The following CNTLN variants were observed in gnomAD, a reference collection of about 807,000 sequenced individuals.
CNTLN encodes centlein, centrosomal protein.
In CNTLN, 212 loss-of-function variants were observed where a neutral mutation model predicts 180.0. That is an observed-to-expected ratio of 1.18 (90% CI 1.05 to 1.32). The LOEUF is 1.32. Among genes scored for constraint, CNTLN ranks in the 40% most tolerant of loss-of-function variants. The pLI is 0.00. For missense variants in CNTLN, 2,095 were observed against 1,610.9 expected (o/e 1.30, Z -5.14); for synonymous variants, 722 against 563.1 (o/e 1.28, Z -3.99).
chr9:17,212,223 C>T (rs1156841701), intron 2 of CNTLN, among the ~76,000 whole-genome samples: 1 of 152,116 alleles, frequency 6.6e-6, no homozygotes, highest in East Asian at 1.9e-4. Context: ...TTTTGAGATA[C>T]GTCCCACCAA....
At chr9:17,387,496 G>A (rs189825659) in intron 13 of CNTLN, among the ~76,000 whole-genome samples, 258 of 152,022 alleles carry the variant, frequency 1.7e-3, no homozygotes, top group African/African-American at 6.0e-3. Context: ...TTTCTTTAAG[G>A]TTGTTAAGTT....
chr9:17,288,135 G>T lies in CNTLN; in HGVS notation c.984-10055G>T, dbSNP rs1405052405. 5.4e-5 allele frequency among the ~76,000 whole-genome samples: 7 copies of T among 128,758 alleles called. 1 individual carries two copies. The highest frequency in any genetic ancestry group is 3.1e-4 in the South Asian group (1 of 3,180). The allele number at this position is 128,758 out of a possible 152,430, so 84.5% of individuals were successfully genotyped here. A position where few individuals can be genotyped will look rare whatever the true frequency, so the allele number is the denominator to read the frequency against. On this transcript the variant is annotated intron_variant, in intron 6 of 25. Transcript: ENST00000380647. ...TTTTGGATCTTTCCTGCTTTCTCTT[G>T]TGGGCATTTAGTGCTATAAATTTCC...
intron 6 of CNTLN, among the ~76,000 whole-genome samples, chr9:17,291,153 C>T (rs987164630): frequency 1.3e-5 from 2 of 152,234 alleles, no homozygotes; most frequent in East Asian, 1.9e-4. Flanking sequence ...TTTGATTGCG[C>T]TGTTTTCTGA....
chr9:17,214,206 C>G (rs1823557855), intron 2 of CNTLN, among the ~76,000 whole-genome samples: 2 of 152,158 alleles, frequency 1.3e-5, no homozygotes, highest in African/African-American at 4.8e-5. Context: ...TTGTTCCTTT[C>G]CATGTTTAGT....
intron 18 of CNTLN, among the ~76,000 whole-genome samples, chr9:17,436,524 T>C (rs1010669066): frequency 2.6e-5 from 4 of 152,364 alleles, no homozygotes; most frequent in Non-Finnish European, 5.9e-5. Flanking sequence ...TTGGGTTTTC[T>C]AGTTAATCTA....
intron 5 of CNTLN, among the ~76,000 whole-genome samples, chr9:17,272,720 G>C (rs1228420081): frequency 2.6e-5 from 4 of 152,120 alleles, no homozygotes; most frequent in Non-Finnish European, 4.4e-5. Flanking sequence ...TTTTTTAAGA[G>C]TATGAGAGCC....
chr9:17,269,901 T>C (rs1316144769), intron 5 of CNTLN, among the ~76,000 whole-genome samples: 2 of 152,298 alleles, frequency 1.3e-5, no homozygotes, highest in East Asian at 3.9e-4. Context: ...AATTATATTG[T>C]ACATTTGTTT....
intron 12 of CNTLN, among the ~76,000 whole-genome samples, chr9:17,348,377 G>A (rs1031519681): frequency 6.6e-6 from 1 of 152,064 alleles, no homozygotes; most frequent in Non-Finnish European, 1.5e-5. Flanking sequence ...GAGGGAGAAG[G>A]TCACGTCAAT....
chr9:17,399,091 C>T (rs887462757), intron 15 of CNTLN, among the ~76,000 whole-genome samples: 8 of 152,160 alleles, frequency 5.3e-5, no homozygotes, highest in African/African-American at 1.4e-4. Context: ...TTCCTTGGGA[C>T]GCAAGTCCTT....
intron 18 of CNTLN, chr9:17,447,078 A>C: frequency 5.2e-6 from 1 of 192,028 alleles, no homozygotes; most frequent in Non-Finnish European, 1.1e-5. Context: ...ATTTACTCTG[A>C]GAGAAATTGC....
intron 14 of CNTLN, among the ~76,000 whole-genome samples, chr9:17,389,976 A>G (rs1029912636): frequency 7.9e-5 from 12 of 152,104 alleles, no homozygotes; most frequent in East Asian, 5.8e-4. Context: ...TAGAATACAG[A>G]CAAATACAGA....
At chr9:17,179,274 AGATTATTGATTTGAGATTTTTC>A (rs1296851116) in intron 2 of CNTLN, among the ~76,000 whole-genome samples, 1 of 147,230 alleles carries the variant, frequency 6.8e-6, no homozygotes, top group Non-Finnish European at 1.5e-5. Flanking sequence ...GAAGAAGTGT[AGATTATTGATTTGAGATTTTTC>A]CTGTTTTGTA....
chr9:17,138,254 A>T lies in CNTLN; in HGVS notation c.360+2829A>T, dbSNP rs192188000. Reference sequence around the variant, plus strand: ...CATTTATAGAGTGAGATGAGAAAAAAGTGTTATGTTTACATAGAAAGAGTA... The same window carrying T: ...CATTTATAGAGTGAGATGAGAAAAATGTGTTATGTTTACATAGAAAGAGTA... On this transcript the variant is annotated intron_variant, in intron 1 of 25. Coordinates refer to ENST00000380647, the MANE Select transcript of CNTLN (RefSeq NM_017738.4). 5.1e-3 allele frequency among the ~76,000 whole-genome samples: 772 copies of T among 152,316 alleles called. 5 individuals are homozygous for T. Among genetic ancestry groups the T allele is most frequent in the Admixed American group, 8.0e-3 (122 of 15,292 alleles).
intron 6 of CNTLN, among the ~76,000 whole-genome samples, chr9:17,292,168 G>T (rs1301718336): frequency 6.6e-6 from 1 of 152,134 alleles, no homozygotes; most frequent in Non-Finnish European, 1.5e-5. Flanking sequence ...TGAGAAGTTT[G>T]CTGTTAGTCT....
intron 2 of CNTLN, among the ~76,000 whole-genome samples, chr9:17,149,462 G>T (rs772946885): frequency 4.0e-5 from 6 of 149,808 alleles, no homozygotes; most frequent in Admixed American, 1.3e-4. Flanking sequence ...TATTTCTCCA[G>T]ATTCTCTCCA....
intron 12 of CNTLN, among the ~76,000 whole-genome samples, chr9:17,354,154 G>T (rs551394712): frequency 1.3e-5 from 2 of 152,182 alleles, no homozygotes. Flanking sequence ...TTCTCACAGA[G>T]CCTTAGGTGC....
chr9:17,518,036 C>CTTTTTTTTTTTTTTTTTTTT, the CNTLN span, among the ~76,000 whole-genome samples: 4 of 69,230 alleles, frequency 5.8e-5, no homozygotes, highest in Non-Finnish European at 7.3e-5. Flanking sequence ...TTTTCTTTTC[C>CTTTTTTTTTTTTTTTTTTTT]TTTTTTTTTT....
At chr9:17,274,770 C>T (rs941696046) in intron 6 of CNTLN, among the ~76,000 whole-genome samples, 1 of 151,992 alleles carries the variant, frequency 6.6e-6, no homozygotes, top group Admixed American at 6.6e-5. Flanking sequence ...AATTTTCCTT[C>T]ATGTTAGTGG....
At chr9:17,280,596 T>C (rs1828601161) in intron 6 of CNTLN, among the ~76,000 whole-genome samples, 1 of 152,162 alleles carries the variant, frequency 6.6e-6, no homozygotes, top group African/African-American at 2.4e-5. Context: ...GGATAAAAAG[T>C]AATTCGAGGT....
Sources: allele counts gnomAD v4.1 joint callset (sites outside exome capture counted in the v4.1 genomes callset), GRCh38; gene constraint gnomAD v4.1.1; transcripts MANE v1.5; gene names NCBI Gene and HGNC (gene_info 2026-07-23, HGNC 2026-07-21).